CNTN1: variants seen among roughly 807,000 people sequenced by gnomAD.
The protein encoded by CNTN1 is contactin 1, also known as contactin-1.
Under a neutral mutation model 126.4 loss-of-function variants are expected in CNTN1, and 38 were observed. The ratio of observed to expected loss-of-function variants is 0.30; its 90% confidence interval spans 0.23 to 0.39. The LOEUF (loss-of-function observed/expected upper bound fraction) is 0.39, where lower values mean the gene tolerates loss of function less well. Ranked by LOEUF, CNTN1 falls within the 10% of genes least tolerant of loss-of-function variation. CNTN1 has a pLI of 1.00. For missense variants in CNTN1, 1,009 were observed against 1,248.4 expected, an observed-to-expected ratio of 0.81 and a Z score of 2.89; for synonymous variants, 413 against 422.6, an observed-to-expected ratio of 0.98 and a Z score of 0.28.
intron 23 of CNTN1, among the ~76,000 whole-genome samples, chr12:41,057,889 A>G (rs1362684345): frequency 6.6e-6 from 1 of 152,164 alleles, no homozygotes; most frequent in African/African-American, 2.4e-5. Context: ...ACTGGAGATC[A>G]AATCAGTTGG....
intron 23 of CNTN1, among the ~76,000 whole-genome samples, chr12:41,055,960 A>T (rs995594063): frequency 3.3e-5 from 5 of 152,050 alleles, no homozygotes; most frequent in African/African-American, 1.2e-4. Context: ...GATGCAGAGT[A>T]GTTAAGTTGT....
chr12:41,016,656 T>C (rs754538258), intron 18 of CNTN1, 26 bp from the exon 19 acceptor site: 1 of 1,472,462 alleles, frequency 6.8e-7, no homozygotes, highest in South Asian at 1.1e-5. Flanking sequence ...TACTAAAACC[T>C]ACTCAATCTT....
intron 15 of CNTN1, among the ~76,000 whole-genome samples, chr12:40,960,377 C>G (rs1253248948): frequency 6.6e-6 from 1 of 152,108 alleles, no homozygotes; most frequent in Non-Finnish European, 1.5e-5. Context: ...ACTTTTCACA[C>G]TATCAGATAA....
chr12:40,995,164 C>A (rs1158650293), intron 17 of CNTN1, among the ~76,000 whole-genome samples: 1 of 152,070 alleles, frequency 6.6e-6, no homozygotes, highest in Non-Finnish European at 1.5e-5. Flanking sequence ...CATTAAATTA[C>A]ATGAAACTTT....
At chr12:40,899,337 T>A (rs1944525180) in intron 1 of CNTN1, among the ~76,000 whole-genome samples, 1 of 152,220 alleles carries the variant, frequency 6.6e-6, no homozygotes, top group Non-Finnish European at 1.5e-5. Flanking sequence ...ACACATTCAA[T>A]CAGGTCATTA....
At chr12:40,853,361 G>T (rs1174924606) in intron 1 of CNTN1, among the ~76,000 whole-genome samples, 1 of 152,080 alleles carries the variant, frequency 6.6e-6, no homozygotes, top group Non-Finnish European at 1.5e-5. Context: ...CATTATTAGT[G>T]GATTAACTAA....
intron 1 of CNTN1, among the ~76,000 whole-genome samples, chr12:40,905,009 A>T (rs1370951734): frequency 1.3e-5 from 2 of 152,360 alleles, no homozygotes; most frequent in Non-Finnish European, 1.5e-5. Context: ...TTCTTTCCAT[A>T]TTAAAAGGTG....
intron 1 of CNTN1, among the ~76,000 whole-genome samples, chr12:40,772,845 A>T (rs17128772): frequency 0.051 from 7,771 of 151,980 alleles, 255 homozygotes; most frequent in East Asian, 0.071. Flanking sequence ...GGACAGTGAG[A>T]CTAAAAAGAT....
intron 1 of CNTN1, among the ~76,000 whole-genome samples, chr12:40,802,511 T>C (rs1940693318): frequency 6.6e-6 from 1 of 152,036 alleles, no homozygotes; most frequent in South Asian, 2.1e-4. Context: ...GTCCTGGGAA[T>C]TTAATCGTGC....
chr12:41,035,538 A>G (rs1207941463), intron 23 of CNTN1, among the ~76,000 whole-genome samples: 1 of 152,214 alleles, frequency 6.6e-6, no homozygotes, highest in Non-Finnish European at 1.5e-5. Flanking sequence ...TCAGAAGAAT[A>G]AAGAACCAAC....
At chr12:40,777,033 A>T (rs892372899) in intron 1 of CNTN1, among the ~76,000 whole-genome samples, 3 of 151,592 alleles carry the variant, frequency 2.0e-5, no homozygotes, top group Non-Finnish European at 3.0e-5. Flanking sequence ...TAAAAATGGC[A>T]TCCCAAACCC....
rs17128740 is a variant in CNTN1 at position 40,752,591 on chromosome 12, G to C, written c.-77+59999G>C. ...ATCCAGGTGTCAACTTCAACTAGTG[G>C]TTATTTTATCCAACTTCAAATAAGA... is the stretch of plus-strand genomic sequence containing the variant. On this transcript the variant is annotated intron_variant, in intron 1 of 23. Transcript: ENST00000551295. Among the ~76,000 whole-genome samples, 254 of 152,022 alleles carry C rather than the reference G, an allele frequency of 1.7e-3. 1 individual carries two copies. In the East Asian group the frequency reaches 0.019, roughly 11 times the overall value.
chr12:41,065,746 C>T (rs1950038254), intron 23 of CNTN1, among the ~76,000 whole-genome samples: 1 of 152,204 alleles, frequency 6.6e-6, no homozygotes. Context: ...GGTAACAGCA[C>T]CATCCACTTG....
intron 21 of CNTN1, among the ~76,000 whole-genome samples, chr12:41,026,121 A>C (rs887567961): frequency 6.6e-6 from 1 of 152,182 alleles, no homozygotes; most frequent in Non-Finnish European, 1.5e-5. Flanking sequence ...ACAATAGATA[A>C]ATTACCTATT....
intron 1 of CNTN1, among the ~76,000 whole-genome samples, chr12:40,791,646 C>G (rs1316611346): frequency 2.6e-5 from 4 of 152,064 alleles, no homozygotes; most frequent in Admixed American, 2.6e-4. Flanking sequence ...TCATTTTTAA[C>G]CCTCACAAAA....
chr12:41,014,173 A>C, intron 17 of CNTN1, 55 bp from the exon 18 acceptor site: 2 of 1,562,234 alleles, frequency 1.3e-6, no homozygotes. Flanking sequence ...ACCAGGAAAA[A>C]AATGCAGGCC....
At chr12:40,930,947 CTTGA>C (rs764713481) in intron 7 of CNTN1, among the ~76,000 whole-genome samples, 10 of 152,054 alleles carry the variant, frequency 6.6e-5, no homozygotes, top group Non-Finnish European at 1.5e-4. Context: ...TAAAAATTCT[CTTGA>C]TTTTCTTTCT....
chr12:40,883,790 C>T (rs1385588196), intron 1 of CNTN1, among the ~76,000 whole-genome samples: 4 of 151,434 alleles, frequency 2.6e-5, no homozygotes, highest in Non-Finnish European at 5.9e-5. Flanking sequence ...TTATATGCAC[C>T]ACAACTTCCA....
chr12:40,912,172 AATC>A (rs530648896), intron 3 of CNTN1, among the ~76,000 whole-genome samples: 1 of 152,286 alleles, frequency 6.6e-6, no homozygotes, highest in South Asian at 2.1e-4. Flanking sequence ...ATTATAACAA[AATC>A]ATCAAAACCA....
Sources: gnomAD v4.1 joint callset for allele counts (sites outside exome capture counted in the v4.1 genomes callset) on GRCh38, gnomAD v4.1.1 for gene constraint, MANE v1.5 for transcripts, NCBI Gene and HGNC (gene_info 2026-07-23, HGNC 2026-07-21) for gene names.